The following NEIL2 variants were observed in gnomAD, a reference collection of about 807,000 sequenced individuals.
The protein encoded by NEIL2 is nei like DNA glycosylase 2, also known as endonuclease 8-like 2.
NEIL2 carries 23 observed loss-of-function variants against 22.2 expected under a neutral mutation model. The observed-to-expected ratio is 1.04, with a 90% CI of 0.75 to 1.47. The LOEUF is 1.47. Among genes scored for constraint, NEIL2 ranks in the 40% most tolerant of loss-of-function variants. NEIL2 has a pLI of 0.00. For synonymous variants in NEIL2, 229 were observed against 164.8 expected, an observed-to-expected ratio of 1.39 and a Z score of -2.99; for missense variants, 583 against 404.7, an observed-to-expected ratio of 1.44 and a Z score of -3.78.
intron 3 of NEIL2, among the ~76,000 whole-genome samples, chr8:11,781,715 T>C (rs1194515728): frequency 6.6e-6 from 1 of 152,242 alleles, no homozygotes; most frequent in Non-Finnish European, 1.5e-5. Context: ...CTCTTTTTTC[T>C]TTAATAGGCT....
intron 2 of NEIL2, among the ~76,000 whole-genome samples, chr8:11,772,193 A>G (rs540435966): frequency 6.8e-6 from 1 of 147,440 alleles, no homozygotes; most frequent in African/African-American, 2.6e-5. Flanking sequence ...ACAGAGTGAG[A>G]CTCCGTCTCA....
In NEIL2 at chr8:11,779,687, A is replaced by T. The variant is rs780674400; in HGVS notation, c.228A>T (p.Lys76Asn). ...GCCCAACACCAGAGCCTCCACAAAA[A>T]GAAGTGCAGAAGGAAGGGGCTGCGG... ...GSSPTPEPPQ[K>N]EVQKEGAADP... Residue 76 changes from lysine to asparagine, a missense_variant, in exon 3 of 5, where the codon AAA (lysine) becomes AAT (asparagine). Physicochemically the swap from Lys to Asn is moderately conservative, Grantham distance 94 (BLOSUM62 0). Coordinates refer to ENST00000284503, the MANE Select transcript of NEIL2 (RefSeq NM_145043.4). The T allele has an allele frequency of 1.9e-6, 3 of 1,613,882 alleles. No homozygotes were observed. Among genetic ancestry groups the T allele is most frequent in the Non-Finnish European group, 2.5e-6 (3 of 1,179,986 alleles).
At chr8:11,777,203 G>A (rs952173193) in intron 2 of NEIL2, among the ~76,000 whole-genome samples, 1 of 151,164 alleles carries the variant, frequency 6.6e-6, no homozygotes, top group African/African-American at 2.4e-5. Flanking sequence ...TTGTTACCCA[G>A]GCTGGTCTCG....
intron 2 of NEIL2, among the ~76,000 whole-genome samples, chr8:11,772,674 C>T (rs1803567805): frequency 6.6e-6 from 1 of 152,216 alleles, no homozygotes; most frequent in Admixed American, 6.5e-5. Flanking sequence ...GTATTGTGCC[C>T]CCAGCACTTA....
At chr8:11,785,300 A>G (rs1038886927) in intron 4 of NEIL2, among the ~76,000 whole-genome samples, 2 of 152,172 alleles carry the variant, frequency 1.3e-5, no homozygotes, top group African/African-American at 2.4e-5. Flanking sequence ...GGTTTAAGCT[A>G]GTCTCCTACC....
chr8:11,783,400 G>A lies in NEIL2; in HGVS notation c.688+1G>A. 2 of 1,613,832 alleles carry A rather than the reference G, an allele frequency of 1.2e-6. No homozygotes were observed. The highest frequency in any genetic ancestry group is 1.7e-6 in the Non-Finnish European group (2 of 1,179,672). ...GACCAGAGATACTTCTCAGGGCTAG[G>A]TATGACTCATGGGAAAGGGGTGAGT... On this transcript the variant is annotated splice_donor_variant, in intron 4 of 4. Coordinates refer to ENST00000284503, the MANE Select transcript of NEIL2 (RefSeq NM_145043.4). LOFTEE classifies it high-confidence loss of function.
At chr8:11,774,433 C>T (rs1364166054) in intron 2 of NEIL2, among the ~76,000 whole-genome samples, 2 of 152,144 alleles carry the variant, frequency 1.3e-5, no homozygotes, top group Non-Finnish European at 2.9e-5. Flanking sequence ...ATCACGAGAA[C>T]AGCCCCCATG....
At chr8:11,785,520 A>T (rs1260001863) in intron 4 of NEIL2, among the ~76,000 whole-genome samples, 1 of 152,204 alleles carries the variant, frequency 6.6e-6, no homozygotes, top group East Asian at 1.9e-4. Flanking sequence ...GTTAATACTT[A>T]TTGAGTACTC....
chr8:11,776,836 G>C (rs540406180), intron 2 of NEIL2, among the ~76,000 whole-genome samples: 1 of 152,178 alleles, frequency 6.6e-6, no homozygotes, highest in African/African-American at 2.4e-5. Flanking sequence ...TCCTGTGCCT[G>C]TTCCTCATCT....
chr8:11,774,233 G>A (rs898072977), intron 2 of NEIL2, among the ~76,000 whole-genome samples: 3 of 152,120 alleles, frequency 2.0e-5, no homozygotes, highest in African/African-American at 7.2e-5. Flanking sequence ...AAATTAGCTG[G>A]GCATGGTGGT....
In NEIL2 at chr8:11,770,333, A is replaced by T. The variant is rs772281667; in HGVS notation, c.-5A>T. 1.3e-5 allele frequency: 2 copies of T among 152,208 alleles called. No homozygotes were observed. The highest frequency in any genetic ancestry group is 2.9e-5 in the Non-Finnish European group (2 of 68,052). The allele number at this position is 152,208 out of a possible 1,614,324, so 9.4% of individuals were successfully genotyped here. A position where few individuals can be genotyped will look rare whatever the true frequency, so the allele number is the denominator to read the frequency against. On this transcript the variant is annotated splice_region_variant and 5_prime_UTR_variant, in exon 1 of 5. Transcript: ENST00000284503. The stretch of plus-strand genomic sequence containing the variant: ...AAGAGGATCAGGCATCCAACTGGTT[A>T]AGGTCAGCAGCGTTTGGCACGTCTC...
chr8:11,776,624 C>T (rs113792642), intron 2 of NEIL2, among the ~76,000 whole-genome samples: 3 of 152,270 alleles, frequency 2.0e-5, no homozygotes, highest in African/African-American at 7.2e-5. Flanking sequence ...TAGTGTTTTC[C>T]AAGGCAGCTG....
rs796115261 is a variant in NEIL2 at position 11,786,076 on chromosome 8, A to G, written c.802A>G (p.Ser268Gly). The G allele has an allele frequency of 1.9e-6, 3 of 1,614,190 alleles. No homozygotes were observed. The highest frequency in any genetic ancestry group is 2.7e-5 in the African/African-American group (2 of 75,046). ...CCTGGTGGATCACGTGGTGGAGTTC[A>G]GTACAGCCTGGCTGCAGGGCAAGTT... ...EVLVDHVVEF[S>G]TAWLQGKFQG... The change falls in exon 5 of 5, where the codon AGT (serine) becomes GGT (glycine). Residue 268 changes from serine (S) to glycine (G), a missense_variant. Transcript: ENST00000284503.
In NEIL2 at chr8:11,786,342, G is replaced by A. The variant is rs1804953609; in HGVS notation, c.*69G>A. On this transcript the variant is annotated 3_prime_UTR_variant, in exon 5 of 5. Coordinates refer to ENST00000284503, the MANE Select transcript of NEIL2 (RefSeq NM_145043.4). ...CTGACGTCTAAGTGTCCAGAAAGGAGGATGTGGGCAGGGACGGGGTACAGA... is the reference window on the plus strand; with the variant it reads ...CTGACGTCTAAGTGTCCAGAAAGGAAGATGTGGGCAGGGACGGGGTACAGA... 6.7e-7 allele frequency: 1 copy of A among 1,490,354 alleles called. No individual in the cohort carries two copies. 92.3% of individuals were successfully genotyped at this position (1,490,354 alleles called of 1,614,324 possible).
Position 11,779,637 on chromosome 8 carries a change from G to A in NEIL2, c.178G>A (p.Glu60Lys). The A allele has an allele frequency of 6.2e-7, 1 of 1,613,632 alleles. No individual in the cohort carries two copies. Among genetic ancestry groups the A allele is most frequent in the South Asian group, 1.1e-5 (1 of 91,084 alleles). ...KKLFLRFDLD[E>K]EMGPPGSSPT... ...ATTATTCCTTAGATTTGATCTAGATGAAGAAATGGGGCCCCCTGGCAGCAG... is the reference window on the plus strand; with the variant it reads ...ATTATTCCTTAGATTTGATCTAGATAAAGAAATGGGGCCCCCTGGCAGCAG... Residue 60 changes from glutamate to lysine, a missense_variant, in exon 3 of 5, where the codon GAA becomes AAA. Glu to Lys is a moderately conservative substitution (Grantham distance 56). Transcript: ENST00000284503.
rs770482648 is a variant in NEIL2, at chr8:11,779,601, C to T, written c.142C>T (p.His48Tyr). 2 of 1,609,546 alleles carry T rather than the reference C, an allele frequency of 1.2e-6. No individual in the cohort carries two copies. Among genetic ancestry groups the T allele is most frequent in the African/African-American group, 1.3e-5 (1 of 74,824 alleles). Residue 48 changes from histidine to tyrosine, a missense_variant, in exon 3 of 5, where the codon CAT (histidine) becomes TAT (tyrosine). By Grantham distance (83) the His-to-Tyr change is moderately conservative. Coordinates refer to ENST00000284503, the MANE Select transcript of NEIL2 (RefSeq NM_145043.4). ...QSLWLQDTQV[H>Y]GKKLFLRFDL... is the part of the protein sequence containing the mutation. ...GATCTCTGTTCATTTTTTCTAGGTC[C>T]ATGGAAAGAAATTATTCCTTAGATT...
Position 11,779,649 on chromosome 8 carries a change from C to A in NEIL2, c.190C>A (p.Pro64Thr). The part of the protein sequence containing the change: ...LRFDLDEEMG[P>T]PGSSPTPEPP... ...ATTTGATCTAGATGAAGAAATGGGG[C>A]CCCCTGGCAGCAGCCCAACACCAGA... is the stretch of plus-strand genomic sequence containing the variant. Residue 64 changes from proline to threonine, a missense_variant, in exon 3 of 5, where the codon CCC becomes ACC. Pro to Thr is a conservative substitution (Grantham distance 38, BLOSUM62 -1). Transcript: ENST00000284503. 3 of 1,613,478 alleles carry A rather than the reference C, an allele frequency of 1.9e-6. No individual in the cohort carries two copies. The highest frequency in any genetic ancestry group is 1.7e-6 in the Non-Finnish European group (2 of 1,179,840).
intron 2 of NEIL2, among the ~76,000 whole-genome samples, chr8:11,774,441 A>G (rs1241577255): frequency 6.6e-6 from 1 of 152,124 alleles, no homozygotes; most frequent in Non-Finnish European, 1.5e-5. Context: ...AACAGCCCCC[A>G]TGATTCAATT....
In NEIL2 at chr8:11,779,803, C is replaced by G. The variant is rs754515726; in HGVS notation, c.344C>G (p.Ser115Cys). ...CTCGTCCCCCAGGGCGAGGATGATT[C>G]TGAGTATTTGGAGAGAGACGCCCCT... ...AELVPQGEDD[S>C]EYLERDAPAG... Residue 115 changes from serine to cysteine, a missense_variant, in exon 3 of 5, where the codon TCT becomes TGT. By Grantham distance (112) the Ser-to-Cys change is moderately radical. Transcript: ENST00000284503. 6.2e-7 allele frequency: 1 copy of G among 1,613,996 alleles called. No homozygotes were observed. Among genetic ancestry groups the G allele is most frequent in the Non-Finnish European group, 8.5e-7 (1 of 1,180,028 alleles).
Sources: allele counts gnomAD v4.1 joint callset (sites outside exome capture counted in the v4.1 genomes callset), GRCh38; gene constraint gnomAD v4.1.1; transcripts MANE v1.5; gene names NCBI Gene and HGNC (gene_info 2026-07-23, HGNC 2026-07-21).